TRAPPC8: variants seen among roughly 807,000 people sequenced by gnomAD.
TRAPPC8 encodes general sporulation gene 1 homolog.
Under a neutral mutation model 174.3 loss-of-function variants are expected in TRAPPC8, and 54 were observed. The ratio of observed to expected loss-of-function variants is 0.31; its 90% CI spans 0.25 to 0.39. TRAPPC8 has a LOEUF of 0.39. Ranked by LOEUF, TRAPPC8 falls within the 10% of genes least tolerant of loss-of-function variation. The pLI, the probability that TRAPPC8 is intolerant of heterozygous loss-of-function variation, is 1.00. For synonymous variants in TRAPPC8, 630 were observed against 579.9 expected, an observed-to-expected ratio of 1.09 and a Z score of -1.24; for missense variants, 1,531 against 1,699.1, an observed-to-expected ratio of 0.90 and a Z score of 1.74.
chr18:31,880,119 ATATTTTTT>A (rs1182088601), intron 12 of TRAPPC8, among the ~76,000 whole-genome samples: 12 of 72,796 alleles, frequency 1.6e-4, no homozygotes, highest in South Asian at 4.6e-4. Flanking sequence ...ATATATATAT[ATATTTTTT>A]TTTTTTTAAG....
intron 9 of TRAPPC8, among the ~76,000 whole-genome samples, chr18:31,903,483 C>T (rs146646348): frequency 6.6e-6 from 1 of 152,294 alleles, no homozygotes; most frequent in Non-Finnish European, 1.5e-5. Flanking sequence ...TCACCCTCCT[C>T]CCTGTTCTTC....
intron 12 of TRAPPC8, among the ~76,000 whole-genome samples, chr18:31,879,982 AT>A (rs58833054): frequency 0.34 from 47,841 of 142,260 alleles, 8,677 homozygotes; most frequent in South Asian, 0.57. Flanking sequence ...AAAAAAAAAA[AT>A]AAATAAACAA....
intron 26 of TRAPPC8, among the ~76,000 whole-genome samples, chr18:31,841,796 G>C (rs1304790408): frequency 1.1e-4 from 16 of 152,028 alleles, no homozygotes; most frequent in Non-Finnish European, 4.4e-5. Context: ...CTTATGAATG[G>C]TATCTATTAT....
chr18:31,873,100 C>T (rs1381267263), intron 14 of TRAPPC8, among the ~76,000 whole-genome samples: 1 of 147,256 alleles, frequency 6.8e-6, no homozygotes, highest in East Asian at 2.0e-4. Context: ...TCACTGCAAC[C>T]TCCGCCTCCC....
chr18:31,919,582 AAATAAATAAAATAAT>A (rs2037295482), intron 2 of TRAPPC8, among the ~76,000 whole-genome samples: 2 of 112,994 alleles, frequency 1.8e-5, no homozygotes, highest in East Asian at 5.3e-4. Flanking sequence ...ATAAATAAAT[AAATAAATAAAATAAT>A]AATAATCCTA....
chr18:31,943,007 C>A lies in TRAPPC8; in HGVS notation c.-243G>T. On this transcript the variant is annotated 5_prime_UTR_variant, in exon 1 of 29. Transcript: ENST00000283351. ...CGCTCGTCCCCGCGTGCTCGCATTC[C>A]ACCCCGATAGGTGGAGACGCCGACA... The A allele has an allele frequency of 1.3e-6, 1 of 753,680 alleles. No homozygotes were observed. Among genetic ancestry groups the A allele is most frequent in the Non-Finnish European group, 1.8e-6 (1 of 549,240 alleles). The allele number at this position is 753,680 out of a possible 1,614,324, so 46.7% of individuals were successfully genotyped here.
At chr18:31,851,070 C>G (rs1364221667) in intron 24 of TRAPPC8, among the ~76,000 whole-genome samples, 2 of 152,074 alleles carry the variant, frequency 1.3e-5, no homozygotes, top group Non-Finnish European at 2.9e-5. Flanking sequence ...AATGATGAGT[C>G]AGATGAAAGC....
At chr18:31,902,293 T>G (rs1481435520) in intron 9 of TRAPPC8, among the ~76,000 whole-genome samples, 1 of 152,200 alleles carries the variant, frequency 6.6e-6, no homozygotes, top group Non-Finnish European at 1.5e-5. Flanking sequence ...ATAGTGCCAC[T>G]GCACTCTGGC....
chr18:31,908,855 T>C lies in TRAPPC8; in HGVS notation c.1021A>G (p.Thr341Ala). The C allele has an allele frequency of 6.2e-7, 1 of 1,613,872 alleles. No individual in the cohort carries two copies. Among genetic ancestry groups the C allele is most frequent in the South Asian group, 1.1e-5 (1 of 91,064 alleles). Reference sequence around the variant, plus strand: ...CGAATTCTATCATGATCAGTAAGTGTTAAACATGCACCATGAATTATTCCA... The same window carrying C: ...CGAATTCTATCATGATCAGTAAGTGCTAAACATGCACCATGAATTATTCCA... ...NTGIIHGACL[T>A]LTDHDRIRQF... The change falls in exon 7 of 29, where the codon ACA becomes GCA. Residue 341 changes from threonine to alanine, a missense_variant. By Grantham distance (58) the Thr-to-Ala change is moderately conservative. Transcript: ENST00000283351.
intron 2 of TRAPPC8, among the ~76,000 whole-genome samples, chr18:31,923,363 T>C (rs2037470432): frequency 6.6e-6 from 1 of 152,150 alleles, no homozygotes; most frequent in Non-Finnish European, 1.5e-5. Context: ...AATCCCTGTA[T>C]ATAACAGACT....
chr18:31,847,536 T>C (rs1276498917), intron 25 of TRAPPC8, among the ~76,000 whole-genome samples: 1 of 152,222 alleles, frequency 6.6e-6, no homozygotes, highest in Non-Finnish European at 1.5e-5. Flanking sequence ...CAAAATGCTA[T>C]CAAAGTTTCT....
intron 12 of TRAPPC8, among the ~76,000 whole-genome samples, chr18:31,881,562 A>G (rs2035454435): frequency 6.6e-6 from 1 of 152,212 alleles, no homozygotes; most frequent in African/African-American, 2.4e-5. Flanking sequence ...AACCCAGGAA[A>G]TACCCTTCTG....
rs2036722702 is a variant in TRAPPC8, at chr18:31,907,642, T to G, written c.1239-32A>C. On this transcript the variant is annotated intron_variant, in intron 8 of 28. Transcript: ENST00000283351. ...ATACAAAAGAAAATAATTTATAATT[T>G]ATTACCCCCCAAACCATTAAAATTA... 5.2e-6 allele frequency: 8 copies of G among 1,534,168 alleles called. No individual in the cohort carries two copies. The East Asian group carries it at 1.9e-4, about 37-fold the overall frequency.
chr18:31,864,395 C>G (rs1218776812), intron 19 of TRAPPC8, among the ~76,000 whole-genome samples: 3 of 151,846 alleles, frequency 2.0e-5, no homozygotes, highest in African/African-American at 7.3e-5. Context: ...AAGTATTTTT[C>G]CCAATTTCCA....
chr18:31,852,389 C>A, intron 24 of TRAPPC8, 57 bp downstream of exon 24: 1 of 1,582,794 alleles, frequency 6.3e-7, no homozygotes, highest in Admixed American at 1.8e-5. Flanking sequence ...GCCAAAAATA[C>A]CCAGATATGC....
At chr18:31,886,345 GA>G (rs397858057) in intron 12 of TRAPPC8, among the ~76,000 whole-genome samples, 633 of 23,746 alleles carry the variant, frequency 0.027, no homozygotes, top group African/African-American at 0.042. Flanking sequence ...GTTTCTTGAG[GA>G]AAAAAAAAAA....
At chr18:31,876,686 T>C (rs1207938730) in intron 12 of TRAPPC8, among the ~76,000 whole-genome samples, 1 of 151,742 alleles carries the variant, frequency 6.6e-6, no homozygotes, top group Non-Finnish European at 1.5e-5. Context: ...AGGGATCGAG[T>C]GCTGAGGAAC....
chr18:31,897,738 A>G, intron 11 of TRAPPC8, 48 bp downstream of exon 11: 2 of 1,310,930 alleles, frequency 1.5e-6, no homozygotes, highest in Non-Finnish European at 1.0e-6. Context: ...TCTTTTTAAA[A>G]AAAAAAGAAC....
chr18:31,869,043 T>C lies in TRAPPC8; in HGVS notation c.2388+1329A>G, dbSNP rs937218255. Among the ~76,000 whole-genome samples, 4 of 151,208 alleles carry C rather than the reference T, an allele frequency of 2.6e-5. 1 individual carries two copies. The highest frequency in any genetic ancestry group is 3.9e-4 in the East Asian group (2 of 5,182). ...CACATTATTAAAGCATTTAGCAAGG[T>C]AGTATAAAAAAAGCAAGTTATATGA... is the stretch of plus-strand genomic sequence containing the variant. On this transcript the variant is annotated intron_variant, in intron 16 of 28. Coordinates refer to ENST00000283351, the MANE Select transcript of TRAPPC8 (RefSeq NM_014939.5).
Sources: allele counts gnomAD v4.1 joint callset (sites outside exome capture counted in the v4.1 genomes callset), GRCh38; gene constraint gnomAD v4.1.1; transcripts MANE v1.5; gene names NCBI Gene and HGNC (gene_info 2026-07-23, HGNC 2026-07-21).